Variants in CD1B observed in about 807,000 individuals in gnomAD.
CD1B encodes the protein CD1b molecule.
A neutral mutation model predicts 39.8 loss-of-function variants in CD1B; 43 were observed. That is an observed-to-expected ratio of 1.08 (90% CI 0.85 to 1.39). The LOEUF (loss-of-function observed/expected upper bound fraction) is 1.39, where lower values mean the gene tolerates loss of function less well. CD1B is among the 40% of genes most tolerant of loss of function. The pLI is 0.00. For missense variants in CD1B, 495 were observed against 403.8 expected, an observed-to-expected ratio of 1.23 and a Z score of -1.94; for synonymous variants, 192 against 152.5, an observed-to-expected ratio of 1.26 and a Z score of -1.91.
At chr1:158,291,340 T>G in the CD1B span, 2 of 1,614,190 alleles carry the variant, frequency 1.2e-6, no homozygotes, top group Admixed American at 1.7e-5. Flanking sequence ...GTTATTTCGT[T>G]TCTACCTCTT....
At chr1:158,308,483 T>G in the CD1B span, among the ~76,000 whole-genome samples, 1 of 152,178 alleles carries the variant, frequency 6.6e-6, no homozygotes, top group Non-Finnish European at 1.5e-5. Flanking sequence ...AAAAACTACT[T>G]TAAAGTTCAT....
intron 5 of CD1B, 46 bp downstream of exon 5, chr1:158,328,875 C>T (rs779714970): frequency 3.8e-6 from 5 of 1,313,534 alleles, no homozygotes; most frequent in Non-Finnish European, 5.3e-6. Context: ...GAAGGGTGAA[C>T]AGAAAAGACA....
the CD1B span, chr1:158,289,911 G>A: frequency 4.7e-6 from 3 of 638,538 alleles, no homozygotes; most frequent in South Asian, 5.9e-5. Context: ...GAGGACCAAG[G>A]TTGAGGGAAG....
intron 5 of CD1B, 90 bp downstream of exon 5, chr1:158,328,831 A>C (rs923971923): frequency 1.1e-6 from 1 of 949,664 alleles, no homozygotes; most frequent in Non-Finnish European, 1.6e-6. Flanking sequence ...GAGGATAAAC[A>C]ATTTTTAAAT....
chr1:158,308,892 A>G, the CD1B span, among the ~76,000 whole-genome samples: 3 of 152,194 alleles, frequency 2.0e-5, no homozygotes, highest in Non-Finnish European at 2.9e-5. Flanking sequence ...AAGAAAACCT[A>G]GGCAATACCA....
the CD1B span, among the ~76,000 whole-genome samples, chr1:158,303,921 T>G: frequency 6.6e-6 from 1 of 152,170 alleles, no homozygotes; most frequent in Non-Finnish European, 1.5e-5. Flanking sequence ...GAAAAAACTA[T>G]TCTAAAATTC....
chr1:158,308,813 C>G, the CD1B span, among the ~76,000 whole-genome samples: 3 of 152,154 alleles, frequency 2.0e-5, no homozygotes, highest in Non-Finnish European at 4.4e-5. Flanking sequence ...TTCCTTACAC[C>G]TTATACAAAA....
At chr1:158,325,112 T>A (rs2101706784), downstream of CD1B, among the ~76,000 whole-genome samples, 1 of 152,160 alleles carries the variant, frequency 6.6e-6, no homozygotes, top group East Asian at 1.9e-4. Context: ...ATAAGATAGT[T>A]ACTGAAGATA....
the CD1B span, among the ~76,000 whole-genome samples, chr1:158,315,261 A>G: frequency 1.3e-5 from 2 of 152,154 alleles, no homozygotes; most frequent in South Asian, 2.1e-4. Context: ...GAACTAGTTT[A>G]CAGTCCCATC....
At chr1:158,296,728 A>G in the CD1B span, among the ~76,000 whole-genome samples, 1 of 152,236 alleles carries the variant, frequency 6.6e-6, no homozygotes, top group Non-Finnish European at 1.5e-5. Context: ...TAACTGAAAG[A>G]CAAAATAGCC....
At chr1:158,320,015 C>G in the CD1B span, among the ~76,000 whole-genome samples, 2 of 152,204 alleles carry the variant, frequency 1.3e-5, no homozygotes, top group Non-Finnish European at 2.9e-5. Context: ...GGCAGTCTGC[C>G]CGTTCTCAGA....
At chr1:158,326,999 G>A (rs1396840650), downstream of CD1B, among the ~76,000 whole-genome samples, 1 of 152,090 alleles carries the variant, frequency 6.6e-6, no homozygotes, top group Non-Finnish European at 1.5e-5. Flanking sequence ...TTTTTGCCAT[G>A]TTGGTCAGCC....
chr1:158,299,179 A>G, the CD1B span, among the ~76,000 whole-genome samples: 1 of 152,114 alleles, frequency 6.6e-6, no homozygotes, highest in Non-Finnish European at 1.5e-5. Context: ...GTATTTTGAG[A>G]TATGTTCCAT....
chr1:158,310,946 A>G, the CD1B span, among the ~76,000 whole-genome samples: 15 of 152,128 alleles, frequency 9.9e-5, no homozygotes, highest in African/African-American at 3.1e-4. Flanking sequence ...AAAACTACCT[A>G]TGGGTACTAT....
chr1:158,328,189 G>A lies in CD1B; in HGVS notation c.*47C>T, dbSNP rs1399043297. ...GATTGACTTTTGGGCTGATATCTTGGGCTTCTTGGTACTTATTGCGAATGG... is the reference window on the plus strand; with the variant it reads ...GATTGACTTTTGGGCTGATATCTTGAGCTTCTTGGTACTTATTGCGAATGG... On this transcript the variant is annotated 3_prime_UTR_variant, in exon 6 of 6. Transcript: ENST00000368168. 6 of 1,488,808 alleles carry A rather than the reference G, an allele frequency of 4.0e-6. No homozygotes were observed. The highest frequency in any genetic ancestry group is 2.3e-5 in the East Asian group (1 of 44,024). The allele number at this position is 1,488,808 out of a possible 1,614,324, so 92.2% of individuals were successfully genotyped here. A position where few individuals can be genotyped will look rare whatever the true frequency, so the allele number is the denominator to read the frequency against.
chr1:158,292,040 A>G, the CD1B span: 6 of 1,565,870 alleles, frequency 3.8e-6, no homozygotes, highest in Non-Finnish European at 5.2e-6. Context: ...TGTTGTTTTC[A>G]CTTTTTTGTT....
At chr1:158,316,208 C>A in the CD1B span, among the ~76,000 whole-genome samples, 1 of 151,930 alleles carries the variant, frequency 6.6e-6, no homozygotes, top group Non-Finnish European at 1.5e-5. Context: ...GCATTGGTAG[C>A]TTGATGGGGA....
the CD1B span, among the ~76,000 whole-genome samples, chr1:158,294,343 T>C: frequency 6.6e-6 from 1 of 152,228 alleles, no homozygotes; most frequent in Non-Finnish European, 1.5e-5. Context: ...CTAATTCAAC[T>C]AATATTTTTT....
downstream of CD1B, among the ~76,000 whole-genome samples, chr1:158,326,823 G>A (rs529557781): frequency 9.3e-5 from 14 of 151,120 alleles, no homozygotes; most frequent in African/African-American, 3.4e-4. Context: ...TGGAGACAGG[G>A]TCTTGCTCTG....
Sources: allele counts gnomAD v4.1 joint callset (sites outside exome capture counted in the v4.1 genomes callset), GRCh38; gene constraint gnomAD v4.1.1; transcripts MANE v1.5; gene names NCBI Gene and HGNC (gene_info 2026-07-23, HGNC 2026-07-21).